Variants in PNKD observed in about 807,000 individuals in gnomAD.
The protein encoded by PNKD is PNKD metallo-beta-lactamase domain containing.
In PNKD, 36 loss-of-function variants were observed where a neutral mutation model predicts 45.3. That is an observed-to-expected ratio of 0.80 (90% CI 0.61 to 1.05). The LOEUF (loss-of-function observed/expected upper bound fraction) is 1.05, where lower values mean the gene tolerates loss of function less well. Among genes scored for constraint, PNKD ranks in the 50% least tolerant of loss-of-function variants. The pLI is 0.00. For missense variants in PNKD, 511 were observed against 506.6 expected, an observed-to-expected ratio of 1.01 and a Z score of -0.08; for synonymous variants, 197 against 210.1, an observed-to-expected ratio of 0.94 and a Z score of 0.54.
chr2:218,302,591 G>A (rs1429798631), intron 2 of PNKD, among the ~76,000 whole-genome samples: 1 of 152,204 alleles, frequency 6.6e-6, no homozygotes, highest in African/African-American at 2.4e-5. Flanking sequence ...CTGGGGCATG[G>A]CCCAAGAGGA....
intron 2 of PNKD, chr2:218,279,237 G>A (rs1691595675): frequency 6.4e-7 from 1 of 1,560,158 alleles, no homozygotes; most frequent in Non-Finnish European, 8.7e-7. Flanking sequence ...CCCAGCAGGT[G>A]ACCCTGAACC....
intron 2 of PNKD, among the ~76,000 whole-genome samples, chr2:218,302,622 C>A (rs909408887): frequency 2.6e-5 from 4 of 152,150 alleles, no homozygotes; most frequent in Non-Finnish European, 5.9e-5. Context: ...GTGGCAGGGG[C>A]CAGGTCTACA....
At chr2:218,282,146 G>A (rs376985150) in intron 2 of PNKD, 730 of 1,478,048 alleles carry the variant, frequency 4.9e-4, no homozygotes, top group Non-Finnish European at 6.0e-4. Flanking sequence ...GGACATGGCT[G>A]CTCACGGGCT....
At chr2:218,331,105 G>T (rs1694303103) in intron 2 of PNKD, among the ~76,000 whole-genome samples, 1 of 152,190 alleles carries the variant, frequency 6.6e-6, no homozygotes, top group African/African-American at 2.4e-5. Flanking sequence ...GTGGGACGGG[G>T]GATTGAAGAC....
At chr2:218,329,964 G>C (rs1029993061) in intron 2 of PNKD, among the ~76,000 whole-genome samples, 4 of 152,204 alleles carry the variant, frequency 2.6e-5, no homozygotes, top group African/African-American at 9.7e-5. Context: ...TTGGTGAGAT[G>C]CAGAGCCTGG....
At chr2:218,282,212 A>ATCT in intron 2 of PNKD, 1 of 1,281,190 alleles carries the variant, frequency 7.8e-7, no homozygotes, top group Non-Finnish European at 1.0e-6. Flanking sequence ...AGCAATCGTG[A>ATCT]ATGCCCAGGC....
In PNKD at chr2:218,326,013, G is replaced by A. The variant is rs2106278472; in HGVS notation, c.237-13770G>A. On this transcript the variant is annotated intron_variant, in intron 2 of 9. Coordinates refer to ENST00000273077, the MANE Select transcript of PNKD (RefSeq NM_015488.5). The surrounding 1 kb of genome is among the most constrained non-coding windows in gnomAD (Gnocchi z 4.1). ...GGAGATATTTGCAGGAAACTGTAGG[G>A]GGGAAATGGGCAGGTGTTGGTGCTA... Among the ~76,000 whole-genome samples, 1 of 152,136 alleles carries A rather than the reference G, an allele frequency of 6.6e-6. No individual in the cohort carries two copies. Among genetic ancestry groups the A allele is most frequent in the South Asian group, 2.1e-4 (1 of 4,806 alleles).
Position 218,340,077 on chromosome 2 carries a change from T to TA in PNKD, c.401_402insA (p.Ile135HisfsTer25). The TA allele has an allele frequency of 6.2e-7, 1 of 1,613,858 alleles. No individual in the cohort carries two copies. The highest frequency in any genetic ancestry group is 8.5e-7 in the Non-Finnish European group (1 of 1,179,848). ...GTCCTCTCGGACAACTACAGCTACC[T>TA]CATCATCGACACCCAGGCCCAGCTG... is the stretch of plus-strand genomic sequence containing the variant. On this transcript the variant is annotated frameshift_variant, in exon 4 of 10. Transcript: ENST00000273077. LOFTEE classifies it high-confidence loss of function. The surrounding 1 kb of genome is among the most constrained non-coding windows in gnomAD (Gnocchi z 4.2).
chr2:218,314,778 C>T (rs1693726610), intron 2 of PNKD, among the ~76,000 whole-genome samples: 1 of 152,000 alleles, frequency 6.6e-6, no homozygotes, highest in Non-Finnish European at 1.5e-5. Flanking sequence ...GAACCTCCAC[C>T]TCCTGGGTTC....
intron 2 of PNKD, among the ~76,000 whole-genome samples, chr2:218,314,736 C>A (rs1693723906): frequency 6.6e-6 from 1 of 151,852 alleles, no homozygotes; most frequent in Admixed American, 6.6e-5. Flanking sequence ...GTCGCCCAGG[C>A]TGGAGTGCAA....
chr2:218,304,387 A>T (rs2015120), intron 2 of PNKD, among the ~76,000 whole-genome samples: 2 of 151,982 alleles, frequency 1.3e-5, no homozygotes, highest in African/African-American at 4.8e-5. Flanking sequence ...CAGGTCATCC[A>T]CCCGCCTCGG....
At chr2:218,295,929 T>A (rs1574672812) in intron 2 of PNKD, among the ~76,000 whole-genome samples, 1 of 141,768 alleles carries the variant, frequency 7.1e-6, no homozygotes, top group Non-Finnish European at 1.5e-5. Context: ...CGCGGCAACC[T>A]CCACCTCCCA....
At position 218,343,565 on chromosome 2, in the gene PNKD, G is replaced by A; in HGVS notation, c.847G>A (p.Asp283Asn). Residue 283 changes from aspartate to asparagine, a missense_variant, in exon 8 of 10, where the codon GAT (aspartate) becomes AAT (asparagine). Transcript: ENST00000273077. The part of the protein sequence containing the change: ...SSLDTVLGLG[D>N]DTLLWPGHEY... The stretch of plus-strand genomic sequence containing the variant: ...ACTGGACACTGTGCTGGGGCTAGGG[G>A]ATGACACCCTTCTGTGGCCTGGTGA... 5 of 1,613,288 alleles carry A rather than the reference G, an allele frequency of 3.1e-6. No homozygotes were observed. The highest frequency in any genetic ancestry group is 4.2e-6 in the Non-Finnish European group (5 of 1,179,658).
chr2:218,277,968 A>G, intron 2 of PNKD: 1 of 1,614,188 alleles, frequency 6.2e-7, no homozygotes, highest in Non-Finnish European at 8.5e-7. Flanking sequence ...TCCATGGGAA[A>G]CGGCGTCTGA....
intron 2 of PNKD, chr2:218,280,123 G>T: frequency 6.2e-7 from 1 of 1,613,140 alleles, no homozygotes; most frequent in Non-Finnish European, 8.5e-7. Flanking sequence ...GCCATGGCCT[G>T]GGCCTAGGGA....
At chr2:218,277,091 G>A (rs763847097) in intron 2 of PNKD, 3 of 1,613,986 alleles carry the variant, frequency 1.9e-6, no homozygotes, top group African/African-American at 1.3e-5. Flanking sequence ...TGCACGAGGT[G>A]AAGTCCACCT....
intron 2 of PNKD, among the ~76,000 whole-genome samples, chr2:218,334,397 G>A (rs1231769506): frequency 1.3e-5 from 2 of 152,136 alleles, no homozygotes; most frequent in African/African-American, 4.8e-5. Context: ...GTCTGGGACA[G>A]TTTCTCAGTC....
At chr2:218,320,312 C>T (rs771452412) in intron 2 of PNKD, among the ~76,000 whole-genome samples, 6 of 152,142 alleles carry the variant, frequency 3.9e-5, no homozygotes, top group African/African-American at 7.2e-5. Context: ...GTATACAAGG[C>T]GTAATGATCA....
intron 5 of PNKD, among the ~76,000 whole-genome samples, 184 bp from the exon 6 acceptor site, chr2:218,341,350 A>G (rs1694667444): frequency 6.6e-6 from 1 of 152,182 alleles, no homozygotes; most frequent in Non-Finnish European, 1.5e-5. Flanking sequence ...GGCCAGCTTG[A>G]GTTGTTGGGG....
Sources: allele counts gnomAD v4.1 joint callset (sites outside exome capture counted in the v4.1 genomes callset), GRCh38; gene constraint gnomAD v4.1.1; non-coding constraint Gnocchi (gnomAD v3.1); transcripts MANE v1.5; gene names NCBI Gene and HGNC (gene_info 2026-07-23, HGNC 2026-07-21).